The following ZNF518A variants were observed in gnomAD, a reference collection of about 807,000 sequenced individuals.
ZNF518A encodes the protein zinc finger protein 518A, also known as zinc finger protein 518.
Under a neutral mutation model 102.7 loss-of-function variants are expected in ZNF518A, and 47 were observed. The ratio of observed to expected loss-of-function variants is 0.46; its 90% CI spans 0.36 to 0.58. The LOEUF is 0.58. Among genes scored for constraint, ZNF518A ranks in the 20% least tolerant of loss-of-function variants. The pLI is 0.00. For missense variants in ZNF518A, 1,793 were observed against 1,699.8 expected, an observed-to-expected ratio of 1.05 and a Z score of -0.96; for synonymous variants, 652 against 594.6, an observed-to-expected ratio of 1.10 and a Z score of -1.40.
chr10:96,175,870 C>T (rs1331304368), intron 1 of ZNF518A, among the ~76,000 whole-genome samples: 1 of 54,342 alleles, frequency 1.8e-5, no homozygotes, highest in Non-Finnish European at 5.2e-5. Flanking sequence ...TCCCTGCCTC[C>T]CTCCCTCCCT....
At chr10:96,136,698 T>G (rs187274283) in intron 3 of ZNF518A, among the ~76,000 whole-genome samples, 2 of 152,120 alleles carry the variant, frequency 1.3e-5, no homozygotes, top group East Asian at 3.9e-4. Context: ...AGACTTAAAG[T>G]GATGATTGAT....
At chr10:96,147,572 A>G (rs2082230102) in intron 3 of ZNF518A, among the ~76,000 whole-genome samples, 1 of 151,988 alleles carries the variant, frequency 6.6e-6, no homozygotes, top group South Asian at 2.1e-4. Context: ...TTACCCTTAT[A>G]CCTAGACCCT....
At chr10:96,170,577 A>G (rs1040799245) in intron 1 of ZNF518A, among the ~76,000 whole-genome samples, 12 of 152,322 alleles carry the variant, frequency 7.9e-5, no homozygotes, top group African/African-American at 2.9e-4. Context: ...TTTCTTGGGT[A>G]AGCACTTCCT....
intron 3 of ZNF518A, among the ~76,000 whole-genome samples, chr10:96,150,538 T>A (rs2082385104): frequency 8.0e-6 from 1 of 124,976 alleles, no homozygotes; most frequent in South Asian, 2.4e-4. Context: ...AAAATTCAGA[T>A]CTTTTTGGAA....
At chr10:96,130,016 CAGCGTGCGCTCCCGGTA>C (rs1399583504), upstream of ZNF518A, 2 of 152,780 alleles carry the variant, frequency 1.3e-5, no homozygotes, top group African/African-American at 4.8e-5. Flanking sequence ...CCCTCCGCCG[CAGCGTGCGCTCCCGGTA>C]GCGCTGCGAT....
downstream of ZNF518A, among the ~76,000 whole-genome samples, chr10:96,166,058 A>C (rs1554890288): frequency 6.6e-6 from 1 of 152,164 alleles, no homozygotes; most frequent in African/African-American, 2.4e-5. Context: ...GAAACCCTGG[A>C]GTTCTGATGT....
downstream of ZNF518A, among the ~76,000 whole-genome samples, chr10:96,166,751 A>G (rs61859661): frequency 0.051 from 7,765 of 152,208 alleles, 278 homozygotes; most frequent in Middle Eastern, 0.085. Context: ...TAGGCGACAG[A>G]GCGAGACTCT....
intron 3 of ZNF518A, among the ~76,000 whole-genome samples, chr10:96,154,227 A>G (rs1554881344): frequency 6.6e-6 from 1 of 152,180 alleles, no homozygotes; most frequent in African/African-American, 2.4e-5. Flanking sequence ...TGCTGCTCTC[A>G]GGAGGCTGAG....
chr10:96,143,203 A>G (rs1200858172), intron 3 of ZNF518A, among the ~76,000 whole-genome samples: 1 of 151,708 alleles, frequency 6.6e-6, no homozygotes, highest in Non-Finnish European at 1.5e-5. Context: ...CCTCATTTCT[A>G]TTTTTACTCT....
rs373983473 is a variant in ZNF518A at position 96,156,812 on chromosome 10, G to A, written c.490G>A (p.Val164Ile). The A allele has an allele frequency of 3.0e-5, 48 of 1,613,798 alleles. No homozygotes were observed. The African/African-American group carries it at 4.8e-4, about 16-fold the overall frequency. ...CAACTTTTCAGCAAATGACTTTCAGGTATTTAAACAACACAGACGAACCCA... is the reference window on the plus strand; with the variant it reads ...CAACTTTTCAGCAAATGACTTTCAGATATTTAAACAACACAGACGAACCCA... ...MCNFSANDFQ[V>I]FKQHRRTHRS... The change falls in exon 6 of 6, where the codon GTA becomes ATA. Residue 164 changes from valine (V) to isoleucine (I), a missense_variant. Physicochemically the swap from Val to Ile is conservative, Grantham distance 29. This residue lies in a region of ZNF518A where 1,741 missense variants were observed against 1,622.6 expected (regional missense o/e 1.07). Coordinates refer to ENST00000316045, the MANE Select transcript of ZNF518A (RefSeq NM_001330736.2).
At chr10:96,131,177 G>A (rs1266581158) in intron 1 of ZNF518A, among the ~76,000 whole-genome samples, 1 of 152,184 alleles carries the variant, frequency 6.6e-6, no homozygotes, top group Non-Finnish European at 1.5e-5. Flanking sequence ...TTGTCGCAGT[G>A]ATAAAACATG....
intron 1 of ZNF518A, among the ~76,000 whole-genome samples, chr10:96,177,848 G>A (rs1055720580): frequency 3.3e-5 from 5 of 152,052 alleles, no homozygotes; most frequent in African/African-American, 1.2e-4. Context: ...ATGAAAAAAT[G>A]TAGACCAGAA....
At position 96,158,673 on chromosome 10, in the gene ZNF518A, AC is replaced by A; in HGVS notation, c.2353del (p.Gln785AsnfsTer7). On this transcript the variant is annotated frameshift_variant, in exon 6 of 6. Coordinates refer to ENST00000316045, the MANE Select transcript of ZNF518A (RefSeq NM_001330736.2). LOFTEE classifies it high-confidence loss of function. ...TCAGAATTTCTGCCACCTGAAGTAA[AC>A]CAATTGCTTCAGGATGTATTGAAAA... ...QASEFLPPEV[N>X]QLLQDVLKIK... 1 of 1,613,276 alleles carries A rather than the reference AC, an allele frequency of 6.2e-7. No homozygotes were observed. Among genetic ancestry groups the A allele is most frequent in the East Asian group, 2.2e-5 (1 of 44,864 alleles).
At chr10:96,171,890 A>C (rs2083175926) in intron 1 of ZNF518A, among the ~76,000 whole-genome samples, 1 of 152,158 alleles carries the variant, frequency 6.6e-6, no homozygotes, top group Non-Finnish European at 1.5e-5. Context: ...AAGACAAAAA[A>C]AAAATCTTGA....
chr10:96,142,639 C>T (rs2081992347), intron 3 of ZNF518A, among the ~76,000 whole-genome samples: 2 of 151,810 alleles, frequency 1.3e-5, no homozygotes, highest in African/African-American at 4.8e-5. Flanking sequence ...ATAGATTCTT[C>T]CTTTTTAGAC....
At chr10:96,142,258 T>C (rs782437069) in intron 3 of ZNF518A, among the ~76,000 whole-genome samples, 3 of 151,984 alleles carry the variant, frequency 2.0e-5, no homozygotes, top group African/African-American at 4.8e-5. Flanking sequence ...ATAATAGTTA[T>C]TTTGAGGGCA....
chr10:96,146,989 G>T (rs151265521), intron 3 of ZNF518A, among the ~76,000 whole-genome samples: 2 of 152,162 alleles, frequency 1.3e-5, no homozygotes, highest in Admixed American at 1.3e-4. Context: ...GGGAAGTCTA[G>T]GTAAATCATG....
Position 96,161,083 on chromosome 10 carries a change from T to C in ZNF518A, c.*309T>C, listed in dbSNP as rs1210638137. 5 of 227,194 alleles carry C rather than the reference T, an allele frequency of 2.2e-5. No individual in the cohort carries two copies. The highest frequency in any genetic ancestry group is 4.6e-5 in the Non-Finnish European group (5 of 108,336). The allele number at this position is 227,194 out of a possible 1,614,324, so 14.1% of individuals were successfully genotyped here. A position where few individuals can be genotyped will look rare whatever the true frequency, so the allele number is the denominator to read the frequency against. On this transcript the variant is annotated 3_prime_UTR_variant, in exon 6 of 6. Transcript: ENST00000316045. ...TAAAACAATTTTCCCACTTTAGTTC[T>C]TTAGTGACTCTTAGTAGAGGGTAAT...
rs1382544874 is a variant in ZNF518A, at chr10:96,159,488, A to G, written c.3166A>G (p.Thr1056Ala). 3 of 1,613,718 alleles carry G rather than the reference A, an allele frequency of 1.9e-6. No homozygotes were observed. Among genetic ancestry groups the G allele is most frequent in the Non-Finnish European group, 1.7e-6 (2 of 1,179,790 alleles). The change falls in exon 6 of 6, where the codon ACG (threonine) becomes GCG (alanine). Residue 1056 changes from threonine to alanine, a missense_variant. Thr to Ala is a moderately conservative substitution (Grantham distance 58, BLOSUM62 0). This residue lies in a region of ZNF518A where 1,741 missense variants were observed against 1,622.6 expected (regional missense o/e 1.07). Transcript: ENST00000316045. ...PLKGPYILKP[T>A]SSVKAVLIPN... is the part of the protein sequence containing the mutation. ...AAAAGGCCCTTACATTTTGAAACCA[A>G]CGAGTTCTGTGAAAGCTGTTCTTAT...
Sources: gnomAD v4.1 joint callset for allele counts (sites outside exome capture counted in the v4.1 genomes callset) on GRCh38, gnomAD v4.1.1 for gene constraint, gnomAD v4.1.1 regional missense constraint, MANE v1.5 for transcripts, NCBI Gene and HGNC (gene_info 2026-07-23, HGNC 2026-07-21) for gene names.